The following MSH6 variants were observed in gnomAD, a reference collection of about 807,000 sequenced individuals.
MSH6 encodes the protein DNA mismatch repair protein Msh6.
In MSH6, 85 loss-of-function variants were observed where a neutral mutation model predicts 119.1. That is an observed-to-expected ratio of 0.71 (90% CI 0.60 to 0.85). The LOEUF (loss-of-function observed/expected upper bound fraction) is 0.85, where lower values mean the gene tolerates loss of function less well. MSH6 is among the 40% of genes least tolerant of loss of function. MSH6 has a pLI of 0.00. For synonymous variants in MSH6, 830 were observed against 586.9 expected (o/e 1.41, Z -5.99); for missense variants, 2,163 against 1,655.3 (o/e 1.31, Z -5.32).
intron 3 of MSH6, 132 bp from the exon 4 acceptor site, chr2:47,798,479 A>T: frequency 1.1e-6 from 1 of 877,028 alleles, no homozygotes; most frequent in Non-Finnish European, 1.8e-6. Context: ...TTCATCGAAT[A>T]CTGTACTAAA....
At chr2:47,796,246 C>T (rs1056332865) in intron 3 of MSH6, among the ~76,000 whole-genome samples, 183 bp downstream of exon 3, 1 of 152,198 alleles carries the variant, frequency 6.6e-6, no homozygotes, top group Non-Finnish European at 1.5e-5. Flanking sequence ...CTTAGAATCT[C>T]AACAGCTAGC....
rs746547813 is a variant in MSH6, at chr2:47,806,676, T to TATAACTAACTGACCTTAAGTTTC, written c.4001+27_4001+49dup. 9 of 1,596,644 alleles carry TATAACTAACTGACCTTAAGTTTC rather than the reference T, an allele frequency of 5.6e-6. No homozygotes were observed. The African/African-American group carries it at 1.1e-4, about 19-fold the overall frequency. On this transcript the variant is annotated intron_variant, in intron 9 of 9. Transcript: ENST00000234420. ...GGTAACTAACTAACTATAATGGAAT[T>TATAACTAACTGACCTTAAGTTTC]ATAACTAACTGACCTTAAGTTTCAA...
intron 2 of MSH6, among the ~76,000 whole-genome samples, chr2:47,792,172 A>G (rs1460811890): frequency 6.6e-6 from 1 of 152,118 alleles, no homozygotes; most frequent in South Asian, 2.1e-4. Context: ...TATTTTTAGT[A>G]GAGACGGGGT....
chr2:47,786,039 C>T (rs1338046674), intron 1 of MSH6, among the ~76,000 whole-genome samples: 2 of 151,918 alleles, frequency 1.3e-5, no homozygotes, highest in Admixed American at 1.3e-4. Flanking sequence ...ATGAACAGGA[C>T]AAAGCAAAGA....
chr2:47,793,396 C>A (rs1275120965), intron 2 of MSH6, among the ~76,000 whole-genome samples: 1 of 148,356 alleles, frequency 6.7e-6, no homozygotes, highest in Non-Finnish European at 1.5e-5. Flanking sequence ...TTGGGAGGCC[C>A]AGGCGGGTGG....
chr2:47,802,672 T>A (rs938915697), intron 4 of MSH6, among the ~76,000 whole-genome samples: 1 of 150,984 alleles, frequency 6.6e-6, no homozygotes, highest in African/African-American at 2.4e-5. Flanking sequence ...AATGGTAGTT[T>A]ACTTGAATTT....
chr2:47,808,752 A>G (rs1361447923), downstream of MSH6: 6 of 301,496 alleles, frequency 2.0e-5, no homozygotes, highest in East Asian at 3.6e-4. Flanking sequence ...GGGATATATC[A>G]AACACTTAAC....
At chr2:47,796,966 A>G (rs1002378926) in intron 3 of MSH6, among the ~76,000 whole-genome samples, 2 of 152,242 alleles carry the variant, frequency 1.3e-5, no homozygotes, top group Non-Finnish European at 2.9e-5. Flanking sequence ...TGACAGAGCA[A>G]GAAGACTGTC....
chr2:47,808,303 A>G (rs377031393), downstream of MSH6: 3 of 1,612,472 alleles, frequency 1.9e-6, no homozygotes, highest in Non-Finnish European at 2.5e-6. Flanking sequence ...TAATTGGGTA[A>G]TATATCAAGC....
intron 6 of MSH6, 109 bp downstream of exon 6, chr2:47,805,136 T>C (rs1669895852): frequency 1.2e-6 from 1 of 810,890 alleles, no homozygotes; most frequent in East Asian, 2.6e-5. Context: ...ATTTTTCTGG[T>C]GTTACTTTAA....
At chr2:47,805,536 G>A in intron 6 of MSH6, 82 bp from the exon 7 acceptor site, 1 of 931,600 alleles carries the variant, frequency 1.1e-6, no homozygotes, top group Non-Finnish European at 1.8e-6. Flanking sequence ...TGTAGCTCAT[G>A]ATAGCTATAT....
chr2:47,783,198 G>T lies in MSH6; in HGVS notation c.-36G>T, dbSNP rs1229241977. On this transcript the variant is annotated 5_prime_UTR_variant, in exon 1 of 10. Coordinates refer to ENST00000234420, the MANE Select transcript of MSH6 (RefSeq NM_000179.3). ...TAGATGCGGTGCTTTTAGGAGCTCCGTCCGACAGAACGGTTGGGCCTTGCC... is the reference window on the plus strand; with the variant it reads ...TAGATGCGGTGCTTTTAGGAGCTCCTTCCGACAGAACGGTTGGGCCTTGCC... 1 of 1,609,358 alleles carries T rather than the reference G, an allele frequency of 6.2e-7. No individual in the cohort carries two copies. The highest frequency in any genetic ancestry group is 1.1e-5 in the South Asian group (1 of 90,534).
At chr2:47,808,987 A>G, downstream of MSH6, 2 of 504,768 alleles carry the variant, frequency 4.0e-6, no homozygotes, top group Non-Finnish European at 7.0e-6. Context: ...ATAAGCCACC[A>G]CGCCTACCCA....
At position 47,806,488 on chromosome 2, in the gene MSH6, C is replaced by A. The variant is rs63750139; in HGVS notation, c.3838C>A (p.Gln1280Lys). Residue 1280 changes from glutamine to lysine, a missense_variant, in exon 9 of 10, where the codon CAG becomes AAG. Gln to Lys is a moderately conservative substitution (Grantham distance 53). Transcript: ENST00000234420. ...AGAAAATGAATGTGAAGACCCCAGC[C>A]AGGAGACTATTACGTTCCTCTATAA... ...MVENECEDPS[Q>K]ETITFLYKFI... 6.2e-7 allele frequency: 1 copy of A among 1,614,058 alleles called. No individual in the cohort carries two copies. Among genetic ancestry groups the A allele is most frequent in the African/African-American group, 1.3e-5 (1 of 75,018 alleles).
chr2:47,784,098 C>G, intron 1 of MSH6: 1 of 1,002,522 alleles, frequency 1.0e-6, no homozygotes, highest in Non-Finnish European at 1.2e-6. Context: ...GGTGGGCCTT[C>G]GGCCTAGGTG....
At chr2:47,785,352 C>T (rs1417852289) in intron 1 of MSH6, among the ~76,000 whole-genome samples, 1 of 152,048 alleles carries the variant, frequency 6.6e-6, no homozygotes, top group Non-Finnish European at 1.5e-5. Flanking sequence ...CTCAGCTTCC[C>T]GAGTAGCTGG....
At position 47,783,498 on chromosome 2, in the gene MSH6, C is replaced by T. The variant is rs1440012800; in HGVS notation, c.260+5C>T. On this transcript the variant is annotated splice_donor_5th_base_variant and intron_variant, in intron 1 of 9. Transcript: ENST00000234420. Reference sequence around the variant, plus strand: ...AGCGCCTGCTGCCCCCACCAGGTAGCGGGGTGGGGGTGGGGTCGAAGGCGG... The same window carrying T: ...AGCGCCTGCTGCCCCCACCAGGTAGTGGGGTGGGGGTGGGGTCGAAGGCGG... 1.5e-6 allele frequency: 2 copies of T among 1,374,580 alleles called. No homozygotes were observed. Among genetic ancestry groups the T allele is most frequent in the Non-Finnish European group, 9.4e-7 (1 of 1,060,484 alleles). 85.1% of individuals were successfully genotyped at this position (1,374,580 alleles called of 1,614,324 possible).
At chr2:47,784,127 G>A (rs1414925919) in intron 1 of MSH6, 1 of 1,005,842 alleles carries the variant, frequency 9.9e-7, no homozygotes, top group Non-Finnish European at 1.2e-6. Context: ...CCGAGGGGGT[G>A]GGCCACGAGC....
At position 47,801,166 on chromosome 2, in the gene MSH6, G is replaced by C. The variant is rs1057523866; in HGVS notation, c.3172+11G>C. On this transcript the variant is annotated intron_variant, in intron 4 of 9. Coordinates refer to ENST00000234420, the MANE Select transcript of MSH6 (RefSeq NM_000179.3). Reference sequence around the variant, plus strand: ...GTATCGCAGTGTTGGGTAAGACTTTGAACAAGCTTGTTCTCAGGCTTTGAT... The same window carrying C: ...GTATCGCAGTGTTGGGTAAGACTTTCAACAAGCTTGTTCTCAGGCTTTGAT... The C allele has an allele frequency of 6.2e-7, 1 of 1,607,374 alleles. No individual in the cohort carries two copies. Among genetic ancestry groups the C allele is most frequent in the Non-Finnish European group, 8.5e-7 (1 of 1,179,926 alleles).
Sources: allele counts gnomAD v4.1 joint callset (sites outside exome capture counted in the v4.1 genomes callset), GRCh38; gene constraint gnomAD v4.1.1; transcripts MANE v1.5; gene names NCBI Gene and HGNC (gene_info 2026-07-23, HGNC 2026-07-21).